CNIH3: variants seen among roughly 807,000 people sequenced by gnomAD.
CNIH3 encodes protein cornichon homolog 3.
A neutral mutation model predicts 24.1 loss-of-function variants in CNIH3; 14 were observed. That is an observed-to-expected ratio of 0.58 (90% CI 0.38 to 0.91). The LOEUF (loss-of-function observed/expected upper bound fraction) is 0.91, where lower values mean the gene tolerates loss of function less well. Ranked by LOEUF, CNIH3 falls within the 40% of genes least tolerant of loss-of-function variation. The pLI, the probability that CNIH3 is intolerant of heterozygous loss-of-function variation, is 0.00. For synonymous variants in CNIH3, 68 were observed against 73.8 expected, an observed-to-expected ratio of 0.92 and a Z score of 0.40; for missense variants, 178 against 196.8, an observed-to-expected ratio of 0.90 and a Z score of 0.57.
At chr1:224,708,982 A>T (rs1687979815) in intron 3 of CNIH3, among the ~76,000 whole-genome samples, 1 of 152,246 alleles carries the variant, frequency 6.6e-6, no homozygotes, top group Non-Finnish European at 1.5e-5. Flanking sequence ...AACAGAACAC[A>T]GGACCTGGAA....
intron 1 of CNIH3, among the ~76,000 whole-genome samples, chr1:224,450,004 G>GCACA (rs147188963): frequency 1.4e-5 from 2 of 147,348 alleles, no homozygotes; most frequent in African/African-American, 5.0e-5. Flanking sequence ...CATTATACAC[G>GCACA]CACACACACA....
At chr1:224,596,216 T>C (rs965920403) in intron 3 of CNIH3, among the ~76,000 whole-genome samples, 1 of 152,222 alleles carries the variant, frequency 6.6e-6, no homozygotes, top group African/African-American at 2.4e-5. Context: ...ATTGTTGACT[T>C]TAAGTTGAAG....
chr1:224,703,768 C>T lies in CNIH3; in HGVS notation c.198+18925C>T, dbSNP rs1306138759. 6.6e-6 allele frequency among the ~76,000 whole-genome samples: 1 copy of T among 152,146 alleles called. No individual in the cohort carries two copies. The highest frequency in any genetic ancestry group is 1.5e-5 in the Non-Finnish European group (1 of 68,018). The stretch of plus-strand genomic sequence containing the variant: ...TTCCTAGTATTTTTATACATGTGAA[C>T]ATTTCCTGGTTCTGCAGGATTCTGT... On this transcript the variant is annotated intron_variant, in intron 3 of 5. Transcript: ENST00000272133. The surrounding 1 kb of genome is among the most constrained non-coding windows in gnomAD (Gnocchi z 4.2).
intron 1 of CNIH3, among the ~76,000 whole-genome samples, chr1:224,623,322 C>G (rs533604358): frequency 6.6e-6 from 1 of 152,170 alleles, no homozygotes. Flanking sequence ...TGCTGCTCTC[C>G]ACTGCTGCGT....
At chr1:224,678,280 G>T (rs1161324259) in intron 1 of CNIH3, among the ~76,000 whole-genome samples, 1 of 152,092 alleles carries the variant, frequency 6.6e-6, no homozygotes, top group Non-Finnish European at 1.5e-5. Context: ...AAAGACCTAG[G>T]GCTTTTAATT....
exon 1 of CNIH3, chr1:224,434,660 C>G (rs1674557073): frequency 1.2e-6 from 1 of 802,202 alleles, no homozygotes; most frequent in East Asian, 1.3e-4. Context: ...GCGCGGGGCC[C>G]GCCGCTGGGC....
At chr1:224,457,275 C>CTGTG (rs1168012940) in intron 1 of CNIH3, among the ~76,000 whole-genome samples, 25 of 42,720 alleles carry the variant, frequency 5.9e-4, no homozygotes, top group East Asian at 4.5e-3. Context: ...CTCTCTCTCT[C>CTGTG]TGTGTGTGTG....
intron 1 of CNIH3, among the ~76,000 whole-genome samples, chr1:224,471,284 C>T (rs572450437): frequency 6.6e-6 from 1 of 152,276 alleles, no homozygotes; most frequent in Non-Finnish European, 1.5e-5. Flanking sequence ...CCCGCCTTGG[C>T]CTCCCAAGGT....
intron 3 of CNIH3, among the ~76,000 whole-genome samples, chr1:224,718,093 C>T (rs1688521000): frequency 1.3e-5 from 2 of 152,168 alleles, no homozygotes; most frequent in African/African-American, 4.8e-5. Context: ...CCCTATGGAA[C>T]ATTCAAGTGT....
At chr1:224,497,694 A>G (rs1290604964) in intron 1 of CNIH3, among the ~76,000 whole-genome samples, 3 of 152,178 alleles carry the variant, frequency 2.0e-5, no homozygotes, top group East Asian at 3.8e-4. Context: ...CTTGGCACTG[A>G]GAGAAATCCC....
chr1:224,592,259 G>A (rs1572541299), downstream of CNIH3, among the ~76,000 whole-genome samples: 1 of 152,076 alleles, frequency 6.6e-6, no homozygotes, highest in Non-Finnish European at 1.5e-5. Flanking sequence ...GAATAATTAA[G>A]CACCTCACAG....
downstream of CNIH3, among the ~76,000 whole-genome samples, chr1:224,539,778 A>G (rs1679441790): frequency 3.9e-5 from 6 of 152,140 alleles, no homozygotes; most frequent in Admixed American, 3.9e-4. Flanking sequence ...AGAACTAATC[A>G]TTCCCTACTT....
chr1:224,489,304 A>G (rs2124842012), intron 1 of CNIH3, among the ~76,000 whole-genome samples: 1 of 152,308 alleles, frequency 6.6e-6, no homozygotes, highest in South Asian at 2.1e-4. Context: ...CAGAATTTAT[A>G]TACACAATTT....
chr1:224,526,956 G>C (rs1047796103), intron 2 of CNIH3, among the ~76,000 whole-genome samples: 1 of 152,096 alleles, frequency 6.6e-6, no homozygotes, highest in Non-Finnish European at 1.5e-5. Context: ...TCACTATCAC[G>C]AGGAAGCACT....
At chr1:224,482,627 C>G (rs528814744) in intron 1 of CNIH3, among the ~76,000 whole-genome samples, 72 of 151,928 alleles carry the variant, frequency 4.7e-4, no homozygotes, top group African/African-American at 1.7e-3. Flanking sequence ...AAAACAAAGT[C>G]TTCTTTACTC....
intron 1 of CNIH3, among the ~76,000 whole-genome samples, chr1:224,652,477 C>T (rs1262357836): frequency 1.3e-5 from 2 of 151,996 alleles, no homozygotes; most frequent in African/African-American, 4.8e-5. Context: ...ATCAGCTTGC[C>T]GTCAGCTGGA....
At chr1:224,640,196 A>ATG (rs147763529) in intron 1 of CNIH3, among the ~76,000 whole-genome samples, 1,682 of 151,922 alleles carry the variant, frequency 0.011, 32 homozygotes, top group African/African-American at 0.039. Flanking sequence ...CTCGCTATTC[A>ATG]TGTGTGTGTG....
At chr1:224,571,111 G>T (rs945648730) in intron 4 of CNIH3, among the ~76,000 whole-genome samples, 1 of 152,142 alleles carries the variant, frequency 6.6e-6, no homozygotes, top group African/African-American at 2.4e-5. Flanking sequence ...ACTTGATAGG[G>T]CAAGGCCTCT....
At chr1:224,694,751 G>T (rs2125164346) in intron 3 of CNIH3, among the ~76,000 whole-genome samples, 1 of 152,342 alleles carries the variant, frequency 6.6e-6, no homozygotes, top group Non-Finnish European at 1.5e-5. Context: ...ACTTAGCCAT[G>T]AAATGGAATG....
Sources: gnomAD v4.1 joint callset for allele counts (sites outside exome capture counted in the v4.1 genomes callset) on GRCh38, gnomAD v4.1.1 for gene constraint, Gnocchi (gnomAD v3.1) non-coding constraint, MANE v1.5 for transcripts, NCBI Gene and HGNC (gene_info 2026-07-23, HGNC 2026-07-21) for gene names.